WWOX: variants seen among roughly 807,000 people sequenced by gnomAD.
WWOX encodes WW domain containing oxidoreductase, also known as WW domain-containing oxidoreductase.
A neutral mutation model predicts 46.2 loss-of-function variants in WWOX; 69 were observed. The observed-to-expected ratio is 1.49, with a 90% confidence interval of 1.23 to 1.82. The LOEUF (loss-of-function observed/expected upper bound fraction) is 1.82, where lower values mean the gene tolerates loss of function less well. Ranked by LOEUF, WWOX falls within the 40% of genes most tolerant of loss-of-function variation. WWOX has a pLI of 0.00. For synonymous variants in WWOX, 359 were observed against 202.6 expected (o/e 1.77, Z -6.56); for missense variants, 919 against 542.6 (o/e 1.69, Z -6.89).
chr16:78,621,677 T>A (rs1191790416), intron 8 of WWOX, among the ~76,000 whole-genome samples: 1 of 134,276 alleles, frequency 7.4e-6, no homozygotes, highest in Non-Finnish European at 1.5e-5. Context: ...CCATCTCGGC[T>A]CACCACGAGC....
At chr16:78,175,768 C>G (rs1318093815) in intron 5 of WWOX, among the ~76,000 whole-genome samples, 1 of 152,196 alleles carries the variant, frequency 6.6e-6, no homozygotes, top group Non-Finnish European at 1.5e-5. Flanking sequence ...CAAATGGTTA[C>G]TGTTTTAAGC....
chr16:78,186,435 G>A (rs2035706849), intron 5 of WWOX, among the ~76,000 whole-genome samples: 1 of 152,144 alleles, frequency 6.6e-6, no homozygotes, highest in Non-Finnish European at 1.5e-5. Context: ...CCTTTGACTT[G>A]TTGGAATTTT....
intron 8 of WWOX, among the ~76,000 whole-genome samples, chr16:78,965,011 T>C (rs768732215): frequency 1.1e-4 from 16 of 152,186 alleles, no homozygotes; most frequent in African/African-American, 2.9e-4. Context: ...TCAGAAAATA[T>C]ATGGAAACAC....
At chr16:78,700,511 A>G (rs532744957) in intron 8 of WWOX, among the ~76,000 whole-genome samples, 2 of 152,326 alleles carry the variant, frequency 1.3e-5, no homozygotes, top group South Asian at 2.1e-4. Context: ...AGTCCATAGC[A>G]TGAACCAACC....
intron 8 of WWOX, among the ~76,000 whole-genome samples, chr16:78,513,040 C>T (rs370200707): frequency 7.2e-5 from 11 of 152,102 alleles, no homozygotes; most frequent in African/African-American, 1.4e-4. Context: ...TTTTATGGCC[C>T]GAGATTAAAA....
chr16:78,884,875 A>G (rs769379697), intron 8 of WWOX, among the ~76,000 whole-genome samples: 9 of 152,222 alleles, frequency 5.9e-5, no homozygotes, highest in Admixed American at 2.6e-4. Flanking sequence ...GAATTAAAGG[A>G]AATAATAATA....
chr16:78,746,389 T>G (rs150528097), intron 8 of WWOX, among the ~76,000 whole-genome samples: 1 of 152,128 alleles, frequency 6.6e-6, no homozygotes, highest in African/African-American at 2.4e-5. Flanking sequence ...TCTCAGCTAC[T>G]TGGGAGGCTG....
In WWOX at chr16:78,565,223, A is replaced by G. The variant is rs1345110607; in HGVS notation, c.1056+132471A>G. 2.0e-5 allele frequency among the ~76,000 whole-genome samples: 3 copies of G among 152,224 alleles called. No homozygotes were observed. The East Asian group carries it at 5.8e-4, about 29-fold the overall frequency. The stretch of plus-strand genomic sequence containing the variant: ...CTCTTGCTGATAGCTGATTTGTTAT[A>G]AACAAATTACCAAAAACGTACTGGC... On this transcript the variant is annotated intron_variant, in intron 8 of 8. Transcript: ENST00000566780.
At chr16:78,629,239 A>T (rs2432240) in intron 8 of WWOX, among the ~76,000 whole-genome samples, 115,935 of 148,782 alleles carry the variant, frequency 0.78, 45,308 homozygotes, top group Middle Eastern at 0.82. Context: ...TGGGTATTTT[A>T]TTTTTTTTTC....
intron 8 of WWOX, among the ~76,000 whole-genome samples, chr16:79,177,512 T>A (rs1332408853): frequency 6.6e-6 from 1 of 152,086 alleles, no homozygotes; most frequent in Non-Finnish European, 1.5e-5. Flanking sequence ...ATCCCTCAAA[T>A]CCCTCTCCTT....
intron 8 of WWOX, among the ~76,000 whole-genome samples, chr16:78,655,874 G>C (rs1051812761): frequency 2.0e-5 from 3 of 152,188 alleles, no homozygotes; most frequent in African/African-American, 4.8e-5. Context: ...GGCTGTCTGT[G>C]TGTGTTCCTT....
In WWOX at chr16:78,879,626, C is replaced by G. The variant is rs1234730361; in HGVS notation, c.1057-331982C>G. The stretch of plus-strand genomic sequence containing the variant: ...GGCATGATGGTTCACGCCTGTAATC[C>G]CAGCGCTTTGGGAGGCCGAGGCAGG... On this transcript the variant is annotated intron_variant, in intron 8 of 8. Coordinates refer to ENST00000566780, the MANE Select transcript of WWOX (RefSeq NM_016373.4). 4.6e-5 allele frequency among the ~76,000 whole-genome samples: 7 copies of G among 152,252 alleles called. No individual in the cohort carries two copies. In the East Asian group the frequency reaches 1.4e-3, roughly 29 times the overall value.
At chr16:79,026,398 C>T (rs977321510) in intron 8 of WWOX, among the ~76,000 whole-genome samples, 1 of 151,640 alleles carries the variant, frequency 6.6e-6, no homozygotes, top group East Asian at 1.9e-4. Flanking sequence ...TCCAGACTCC[C>T]CTGGCCACGG....
At chr16:78,466,267 T>G (rs7189939) in intron 8 of WWOX, among the ~76,000 whole-genome samples, 3,259 of 152,044 alleles carry the variant, frequency 0.021, 132 homozygotes, top group African/African-American at 0.076. Context: ...TCCTGACCTT[T>G]TGATCAGCCT....
At chr16:79,151,627 G>A (rs942123456) in intron 8 of WWOX, among the ~76,000 whole-genome samples, 1 of 152,186 alleles carries the variant, frequency 6.6e-6, no homozygotes, top group Non-Finnish European at 1.5e-5. Flanking sequence ...GTGAAATAAC[G>A]CAGAATGCAG....
chr16:78,603,009 C>A (rs746907664), intron 8 of WWOX, among the ~76,000 whole-genome samples: 4 of 152,244 alleles, frequency 2.6e-5, no homozygotes, highest in African/African-American at 7.2e-5. Context: ...TAATACTCCA[C>A]CTTGCCAGTA....
intron 8 of WWOX, among the ~76,000 whole-genome samples, chr16:79,036,907 A>T (rs191044230): frequency 3.3e-5 from 5 of 152,324 alleles, no homozygotes; most frequent in African/African-American, 1.2e-4. Flanking sequence ...TCAGATGGGC[A>T]ATAAGTGGTT....
chr16:78,117,371 C>A (rs560799753), intron 4 of WWOX, among the ~76,000 whole-genome samples: 44 of 152,166 alleles, frequency 2.9e-4, no homozygotes, highest in African/African-American at 9.9e-4. Flanking sequence ...TTAACACTGT[C>A]ACCTCACCCC....
At chr16:78,672,507 G>A (rs2047491094) in intron 8 of WWOX, among the ~76,000 whole-genome samples, 1 of 152,194 alleles carries the variant, frequency 6.6e-6, no homozygotes, top group Non-Finnish European at 1.5e-5. Context: ...GTATCCTGAT[G>A]GGTAGCCAGG....
Sources: gnomAD v4.1 joint callset for allele counts (sites outside exome capture counted in the v4.1 genomes callset) on GRCh38, gnomAD v4.1.1 for gene constraint, MANE v1.5 for transcripts, NCBI Gene and HGNC (gene_info 2026-07-23, HGNC 2026-07-21) for gene names.